The following KCNIP4 variants were observed in gnomAD, a reference collection of about 807,000 sequenced individuals.
KCNIP4 encodes potassium voltage-gated channel interacting protein 4.
A neutral mutation model predicts 34.0 loss-of-function variants in KCNIP4; 12 were observed. The ratio of observed to expected loss-of-function variants is 0.35; its 90% confidence interval spans 0.23 to 0.57. The LOEUF is 0.57. Among genes scored for constraint, KCNIP4 ranks in the 20% least tolerant of loss-of-function variants. KCNIP4 has a pLI of 0.83. For synonymous variants in KCNIP4, 124 were observed against 102.2 expected, an observed-to-expected ratio of 1.21 and a Z score of -1.29; for missense variants, 238 against 311.7, an observed-to-expected ratio of 0.76 and a Z score of 1.78.
At chr4:21,839,762 A>C (rs1232403925) in intron 1 of KCNIP4, among the ~76,000 whole-genome samples, 2 of 152,038 alleles carry the variant, frequency 1.3e-5, no homozygotes, top group African/African-American at 2.4e-5. Flanking sequence ...TCTCAAAAAA[A>C]AGAGAAGAAA....
intron 1 of KCNIP4, among the ~76,000 whole-genome samples, chr4:20,887,028 T>A (rs186911600): frequency 3.9e-4 from 59 of 151,006 alleles, no homozygotes; most frequent in East Asian, 1.9e-4. Context: ...AAGATAGTCA[T>A]AATAAGTAAA....
chr4:20,766,085 AG>A (rs1755381396), intron 3 of KCNIP4, among the ~76,000 whole-genome samples: 1 of 152,176 alleles, frequency 6.6e-6, no homozygotes, highest in Non-Finnish European at 1.5e-5. Flanking sequence ...AATACACATG[AG>A]CACTTTTTAT....
At chr4:20,871,246 G>C (rs997976686) in intron 2 of KCNIP4, among the ~76,000 whole-genome samples, 1 of 152,074 alleles carries the variant, frequency 6.6e-6, no homozygotes. Flanking sequence ...TCTAATGGAA[G>C]AGTCACCAAT....
At chr4:21,481,623 T>C (rs1731434676) in intron 1 of KCNIP4, among the ~76,000 whole-genome samples, 1 of 152,176 alleles carries the variant, frequency 6.6e-6, no homozygotes, top group Non-Finnish European at 1.5e-5. Flanking sequence ...TTAAAACAAT[T>C]GAATGTGTTA....
At chr4:21,924,403 C>T (rs1275424426) in intron 1 of KCNIP4, among the ~76,000 whole-genome samples, 2 of 151,934 alleles carry the variant, frequency 1.3e-5, no homozygotes, top group East Asian at 1.9e-4. Context: ...ACCACCACAC[C>T]TGGCTAATTT....
chr4:21,544,024 T>TTTATTTTCTGCCTATATAAGCAAGACA (rs1737927102), intron 1 of KCNIP4, among the ~76,000 whole-genome samples: 1 of 152,180 alleles, frequency 6.6e-6, no homozygotes, highest in Non-Finnish European at 1.5e-5. Flanking sequence ...GTTAAATTGA[T>TTTATTTTCTGCCTATATAAGCAAGACA]TTATTTTCTG....
chr4:20,741,681 CA>C (rs1487737682), intron 5 of KCNIP4, among the ~76,000 whole-genome samples: 2 of 152,110 alleles, frequency 1.3e-5, no homozygotes, highest in Non-Finnish European at 2.9e-5. Flanking sequence ...AGAGCAAACA[CA>C]TTCAAAAGCT....
At chr4:20,928,034 A>G (rs1178780199) in intron 1 of KCNIP4, among the ~76,000 whole-genome samples, 1 of 152,146 alleles carries the variant, frequency 6.6e-6, no homozygotes, top group Non-Finnish European at 1.5e-5. Flanking sequence ...AAATTACTTT[A>G]TGGATATGTG....
At chr4:21,795,510 GA>G (rs1400144027) in intron 1 of KCNIP4, among the ~76,000 whole-genome samples, 1 of 152,134 alleles carries the variant, frequency 6.6e-6, no homozygotes, top group South Asian at 2.1e-4. Context: ...TTCAGACACG[GA>G]AAAATTTTAA....
At chr4:21,703,666 A>G (rs1713039953) in intron 1 of KCNIP4, among the ~76,000 whole-genome samples, 1 of 152,172 alleles carries the variant, frequency 6.6e-6, no homozygotes, top group Admixed American at 6.6e-5. Context: ...AAAATGAAAT[A>G]CTTTGGTGTG....
intron 8 of KCNIP4, chr4:20,731,559 C>G (rs1258124804): frequency 8.1e-6 from 8 of 985,262 alleles, no homozygotes; most frequent in Non-Finnish European, 9.6e-6. Flanking sequence ...TGTCCACATA[C>G]ACTAAAACAA....
At chr4:21,494,484 C>A (rs576670181) in intron 1 of KCNIP4, among the ~76,000 whole-genome samples, 132 of 151,946 alleles carry the variant, frequency 8.7e-4, no homozygotes, top group African/African-American at 3.1e-3. Flanking sequence ...ATAAAAATCC[C>A]TATTAAGGTG....
At chr4:20,983,883 C>A (rs1209222427) in intron 1 of KCNIP4, 1 of 1,536,208 alleles carries the variant, frequency 6.5e-7, no homozygotes, top group Non-Finnish European at 8.7e-7. Flanking sequence ...ACAACAATAC[C>A]CACTGTTTGC....
intron 1 of KCNIP4, among the ~76,000 whole-genome samples, chr4:21,271,273 G>A (rs759334153): frequency 3.3e-5 from 5 of 152,162 alleles, no homozygotes; most frequent in Non-Finnish European, 7.3e-5. Context: ...CTGTAACAGT[G>A]TCTGACAGGT....
chr4:21,056,002 G>A (rs1298260182), intron 1 of KCNIP4, among the ~76,000 whole-genome samples: 1 of 152,144 alleles, frequency 6.6e-6, no homozygotes, highest in Non-Finnish European at 1.5e-5. Context: ...CCACTCTGGT[G>A]AGAGACGTAA....
intron 1 of KCNIP4, among the ~76,000 whole-genome samples, chr4:21,048,475 A>G (rs369444217): frequency 3.3e-5 from 5 of 152,154 alleles, no homozygotes; most frequent in African/African-American, 1.2e-4. Context: ...GTTACGCACT[A>G]TCTCTGTCAC....
chr4:20,824,249 C>T (rs767057339), intron 3 of KCNIP4, among the ~76,000 whole-genome samples: 1 of 152,122 alleles, frequency 6.6e-6, no homozygotes, highest in Non-Finnish European at 1.5e-5. Flanking sequence ...ATACTTTTTG[C>T]TCATCACAAT....
chr4:21,936,231 T>C (rs62301454), intron 1 of KCNIP4, among the ~76,000 whole-genome samples: 49,856 of 151,790 alleles, frequency 0.33, 8,855 homozygotes, highest in Non-Finnish European at 0.4. Flanking sequence ...TGAGAGATAA[T>C]TGAATCATGG....
intron 1 of KCNIP4, among the ~76,000 whole-genome samples, chr4:21,018,145 A>G (rs949411273): frequency 3.3e-5 from 5 of 152,082 alleles, no homozygotes; most frequent in Non-Finnish European, 7.4e-5. Context: ...TGCATAGACA[A>G]CTCTGATTCC....
Sources: allele counts gnomAD v4.1 joint callset (sites outside exome capture counted in the v4.1 genomes callset), GRCh38; gene constraint gnomAD v4.1.1; transcripts MANE v1.5; gene names NCBI Gene and HGNC (gene_info 2026-07-23, HGNC 2026-07-21).